Variants in MTDH observed in about 807,000 individuals in gnomAD.
The protein encoded by MTDH is protein LYRIC.
In MTDH, 34 loss-of-function variants were observed where a neutral mutation model predicts 72.7. The observed-to-expected ratio is 0.47, with a 90% CI of 0.36 to 0.62. MTDH has a LOEUF of 0.62. Ranked by LOEUF, MTDH falls within the 20% of genes least tolerant of loss-of-function variation. MTDH has a pLI of 0.00. For missense variants in MTDH, 677 were observed against 699.4 expected (o/e 0.97, Z 0.36); for synonymous variants, 266 against 268.9 (o/e 0.99, Z 0.10).
intron 1 of MTDH, among the ~76,000 whole-genome samples, chr8:97,651,426 C>A (rs1024517891): frequency 6.6e-6 from 1 of 152,088 alleles, no homozygotes; most frequent in African/African-American, 2.4e-5. Context: ...AAATCACTAA[C>A]AAAAAGCACC....
chr8:97,692,717 ATTTG>A (rs965873257), intron 6 of MTDH, among the ~76,000 whole-genome samples: 14 of 151,298 alleles, frequency 9.3e-5, no homozygotes, highest in African/African-American at 2.7e-4. Flanking sequence ...CACGGAATAT[ATTTG>A]TTTGGGATTT....
intron 9 of MTDH, among the ~76,000 whole-genome samples, chr8:97,717,842 C>T (rs1226758929): frequency 1.3e-5 from 2 of 151,378 alleles, no homozygotes; most frequent in African/African-American, 4.9e-5. Flanking sequence ...CTTCATCTCC[C>T]AGGTTCAAGC....
At chr8:97,695,288 A>G (rs2131020420) in intron 6 of MTDH, among the ~76,000 whole-genome samples, 1 of 151,718 alleles carries the variant, frequency 6.6e-6, no homozygotes, top group Middle Eastern at 3.4e-3. Flanking sequence ...TAATTTTTGT[A>G]TTTTTAGTAG....
At chr8:97,671,990 C>G (rs1006041204) in intron 2 of MTDH, among the ~76,000 whole-genome samples, 1 of 152,154 alleles carries the variant, frequency 6.6e-6, no homozygotes, top group African/African-American at 2.4e-5. Flanking sequence ...AGGTAACATG[C>G]ATTTAAACAA....
intron 6 of MTDH, among the ~76,000 whole-genome samples, chr8:97,696,800 C>T (rs1258684086): frequency 6.6e-6 from 1 of 151,776 alleles, no homozygotes; most frequent in South Asian, 2.1e-4. Context: ...CATATAGAAA[C>T]TACATGTATT....
chr8:97,644,533 G>C lies in MTDH; in HGVS notation c.27G>C (p.Glu9Asp). 4 of 1,595,792 alleles carry C rather than the reference G, an allele frequency of 2.5e-6. No homozygotes were observed. Among genetic ancestry groups the C allele is most frequent in the Non-Finnish European group, 2.6e-6 (3 of 1,175,814 alleles). MAARSWQD[E>D]LAQQAEEGSA... ...TGGCTGCACGGAGCTGGCAGGACGAGCTGGCCCAGCAGGCCGAGGAGGGCT... is the reference window on the plus strand; with the variant it reads ...TGGCTGCACGGAGCTGGCAGGACGACCTGGCCCAGCAGGCCGAGGAGGGCT... The change falls in exon 1 of 12, where the codon GAG becomes GAC. Residue 9 changes from glutamate (E) to aspartate (D), a missense_variant. By Grantham distance (45) the Glu-to-Asp change is conservative. Transcript: ENST00000336273.
intron 7 of MTDH, among the ~76,000 whole-genome samples, chr8:97,705,641 A>G (rs1814321546): frequency 6.6e-6 from 1 of 152,174 alleles, no homozygotes; most frequent in Non-Finnish European, 1.5e-5. Context: ...TGATAAGAGT[A>G]GCATTAGGTA....
intron 6 of MTDH, among the ~76,000 whole-genome samples, chr8:97,692,986 C>T (rs887509263): frequency 2.6e-5 from 4 of 152,178 alleles, no homozygotes; most frequent in African/African-American, 7.2e-5. Flanking sequence ...CCTACCCCAG[C>T]CTCCCAAAGT....
chr8:97,669,732 C>T (rs900964554), intron 2 of MTDH, among the ~76,000 whole-genome samples: 1 of 151,794 alleles, frequency 6.6e-6, no homozygotes, highest in African/African-American at 2.4e-5. Flanking sequence ...GCCTGGCCAA[C>T]ATGGTGAAAT....
intron 7 of MTDH, among the ~76,000 whole-genome samples, chr8:97,700,495 C>T (rs1367608885): frequency 2.6e-5 from 4 of 152,126 alleles, no homozygotes; most frequent in African/African-American, 9.7e-5. Flanking sequence ...TGTTTTCCTT[C>T]TCCAAGTAGA....
At chr8:97,670,912 A>T (rs556368467) in intron 2 of MTDH, among the ~76,000 whole-genome samples, 6 of 141,522 alleles carry the variant, frequency 4.2e-5, no homozygotes, top group Non-Finnish European at 7.6e-5. Context: ...GCCCACTGCC[A>T]CGCCTGGCTA....
At chr8:97,717,233 A>G (rs1021324111) in intron 9 of MTDH, among the ~76,000 whole-genome samples, 1 of 152,234 alleles carries the variant, frequency 6.6e-6, no homozygotes, top group African/African-American at 2.4e-5. Flanking sequence ...TCAGAAGAAC[A>G]TTAAGATCAT....
chr8:97,699,556 A>G (rs1305211251), intron 6 of MTDH, among the ~76,000 whole-genome samples, 198 bp from the exon 7 acceptor site: 1 of 152,222 alleles, frequency 6.6e-6, no homozygotes, highest in African/African-American at 2.4e-5. Flanking sequence ...AATTAGATCA[A>G]GTGATTATCA....
In MTDH at chr8:97,729,420, A is replaced by G. The variant is rs2131106578; in HGVS notation, c.*4750A>G. ...TAGCCATGAAGCTGGATGGGACGTA[A>G]TATTCTATCTGGGTTGTCATGGGCC... On this transcript the variant is annotated 3_prime_UTR_variant, in exon 12 of 12. Coordinates refer to ENST00000336273, the MANE Select transcript of MTDH (RefSeq NM_178812.4). Among the ~76,000 whole-genome samples, 1 of 152,256 alleles carries G rather than the reference A, an allele frequency of 6.6e-6. No homozygotes were observed.
At chr8:97,648,436 A>G (rs1222832963) in intron 1 of MTDH, among the ~76,000 whole-genome samples, 6 of 152,120 alleles carry the variant, frequency 3.9e-5, no homozygotes, top group Admixed American at 2.0e-4. Flanking sequence ...GTCTGTAACA[A>G]TTGGCTTTGA....
At chr8:97,716,893 G>C (rs1382164781) in intron 9 of MTDH, among the ~76,000 whole-genome samples, 1 of 151,846 alleles carries the variant, frequency 6.6e-6, no homozygotes, top group South Asian at 2.1e-4. Flanking sequence ...TGTTACCCAG[G>C]CTATCCCAAA....
At position 97,728,956 on chromosome 8, in the gene MTDH, G is replaced by C. The variant is rs745316536; in HGVS notation, c.*4286G>C. 2.7e-5 allele frequency among the ~76,000 whole-genome samples: 4 copies of C among 149,586 alleles called. No individual in the cohort carries two copies. The highest frequency in any genetic ancestry group is 1.3e-4 in the Admixed American group (2 of 14,940). On this transcript the variant is annotated 3_prime_UTR_variant, in exon 12 of 12. Coordinates refer to ENST00000336273, the MANE Select transcript of MTDH (RefSeq NM_178812.4). ...AGATAGGGTCTCACTCTGTTGCCCA[G>C]GCTGGAGTGCAGTGGCACACTTCTG...
intron 2 of MTDH, among the ~76,000 whole-genome samples, chr8:97,682,948 G>A (rs1813195035): frequency 6.6e-6 from 1 of 151,034 alleles, no homozygotes; most frequent in South Asian, 2.1e-4. Flanking sequence ...AGTTAAATGT[G>A]GGGAGACTAA....
chr8:97,682,581 G>A (rs1275256813), intron 2 of MTDH, among the ~76,000 whole-genome samples: 3 of 151,508 alleles, frequency 2.0e-5, no homozygotes, highest in Admixed American at 6.6e-5. Context: ...GATCACAGGC[G>A]TGAGCCACCG....
Sources: gnomAD v4.1 joint callset for allele counts (sites outside exome capture counted in the v4.1 genomes callset) on GRCh38, gnomAD v4.1.1 for gene constraint, MANE v1.5 for transcripts, NCBI Gene and HGNC (gene_info 2026-07-23, HGNC 2026-07-21) for gene names.